The following CALN1 variants were observed in gnomAD, a reference collection of about 807,000 sequenced individuals.
CALN1 encodes the protein calcium-binding protein 8.
A neutral mutation model predicts 30.6 loss-of-function variants in CALN1; 17 were observed. That is an observed-to-expected ratio of 0.56 (90% CI 0.38 to 0.83). The LOEUF (loss-of-function observed/expected upper bound fraction) is 0.83. Among genes scored for constraint, CALN1 ranks in the 40% least tolerant of loss-of-function variants. CALN1 has a pLI of 0.00. For missense variants in CALN1, 291 were observed against 354.9 expected, an observed-to-expected ratio of 0.82 and a Z score of 1.45; for synonymous variants, 156 against 131.4, an observed-to-expected ratio of 1.19 and a Z score of -1.28.
At chr7:72,081,112 T>C (rs1805107088) in intron 4 of CALN1, among the ~76,000 whole-genome samples, 1 of 152,146 alleles carries the variant, frequency 6.6e-6, no homozygotes, top group Non-Finnish European at 1.5e-5. Flanking sequence ...TAAGGACTGA[T>C]GTACAGCAGT....
intron 5 of CALN1, among the ~76,000 whole-genome samples, chr7:71,881,865 G>T (rs945835458): frequency 6.6e-6 from 1 of 151,366 alleles, no homozygotes; most frequent in Non-Finnish European, 1.5e-5. Context: ...TTGAGGCCAG[G>T]AGTTTGAGGT....
intron 2 of CALN1, among the ~76,000 whole-genome samples, chr7:72,317,085 AG>A (rs1800523642): frequency 5.6e-5 from 2 of 35,626 alleles, no homozygotes; most frequent in Non-Finnish European, 9.5e-5. Flanking sequence ...ACAGAAAGAG[AG>A]AGAGAGAGGG....
chr7:72,016,841 C>T (rs1475846118), intron 5 of CALN1, among the ~76,000 whole-genome samples: 1 of 151,364 alleles, frequency 6.6e-6, no homozygotes. Flanking sequence ...TGCATGAGGA[C>T]CTGAGACAGA....
intron 4 of CALN1, among the ~76,000 whole-genome samples, chr7:72,027,303 C>T (rs942412257): frequency 1.3e-5 from 2 of 152,080 alleles, no homozygotes; most frequent in Admixed American, 1.3e-4. Flanking sequence ...CCAGGTACTC[C>T]CTCTGGAATG....
intron 2 of CALN1, among the ~76,000 whole-genome samples, chr7:72,392,075 C>T (rs538981223): frequency 6.6e-6 from 1 of 152,326 alleles, no homozygotes; most frequent in South Asian, 2.1e-4. Context: ...CACTGAGATG[C>T]TCCCTTTTAG....
At chr7:72,258,679 A>C (rs116491341) in intron 3 of CALN1, among the ~76,000 whole-genome samples, 2 of 152,152 alleles carry the variant, frequency 1.3e-5, no homozygotes, top group Non-Finnish European at 2.9e-5. Flanking sequence ...CAGCACTCTG[A>C]GGCTGAGGTG....
intron 4 of CALN1, among the ~76,000 whole-genome samples, chr7:72,050,521 T>C (rs1331137674): frequency 2.6e-5 from 4 of 152,182 alleles, no homozygotes; most frequent in Non-Finnish European, 5.9e-5. Context: ...GGATTTAATA[T>C]TAATAGTAAA....
chr7:72,071,249 T>C (rs1030079145), intron 4 of CALN1, among the ~76,000 whole-genome samples: 3 of 152,108 alleles, frequency 2.0e-5, no homozygotes, highest in Non-Finnish European at 1.5e-5. Flanking sequence ...AAGCACCCTG[T>C]CCTCCAAATA....
At chr7:72,193,341 G>T (rs900445024) in intron 3 of CALN1, among the ~76,000 whole-genome samples, 2 of 152,040 alleles carry the variant, frequency 1.3e-5, no homozygotes, top group African/African-American at 4.8e-5. Flanking sequence ...CTCCAGCCTG[G>T]GCAACAGAGA....
At chr7:72,451,244 A>C (rs1216153797), upstream of CALN1, among the ~76,000 whole-genome samples, 1 of 106,174 alleles carries the variant, frequency 9.4e-6, no homozygotes, top group African/African-American at 5.1e-5. Flanking sequence ...AGAAGGAGGA[A>C]GAGGAGGAAG....
In CALN1 at chr7:72,065,764, G is replaced by A. The variant is rs572088757; in HGVS notation, c.388+40387C>T. Among the ~76,000 whole-genome samples, 169 of 152,186 alleles carry A rather than the reference G, an allele frequency of 1.1e-3. 1 individual carries two copies. Among genetic ancestry groups the A allele is most frequent in the Admixed American group, 0.011 (168 of 15,288 alleles). On this transcript the variant is annotated intron_variant, in intron 4 of 6. Coordinates refer to ENST00000395275, the MANE Select transcript of CALN1 (RefSeq NM_031468.4). The stretch of plus-strand genomic sequence containing the variant: ...AAAAATTAGCCAGGCGTGGAGGCGG[G>A]TGCCTGTAATCCCAGCTACTCAGGA...
intron 5 of CALN1, among the ~76,000 whole-genome samples, chr7:71,868,506 G>A (rs746170535): frequency 5.9e-5 from 9 of 151,842 alleles, no homozygotes; most frequent in Non-Finnish European, 1.3e-4. Flanking sequence ...TAAGTAGCTA[G>A]GATTACAGAT....
intron 5 of CALN1, among the ~76,000 whole-genome samples, chr7:71,851,382 G>C (rs1468839664): frequency 6.6e-6 from 1 of 151,746 alleles, no homozygotes; most frequent in Admixed American, 6.6e-5. Flanking sequence ...AGCCAGGCAT[G>C]GTGGTGGGTG....
intron 3 of CALN1, among the ~76,000 whole-genome samples, chr7:72,277,571 T>C (rs1340897224): frequency 6.6e-6 from 1 of 152,188 alleles, no homozygotes; most frequent in Non-Finnish European, 1.5e-5. Context: ...CATCCTCTGC[T>C]GCCTCCCTGC....
the CALN1 span, among the ~76,000 whole-genome samples, chr7:72,499,982 G>C: frequency 1.3e-5 from 2 of 150,934 alleles, no homozygotes; most frequent in Non-Finnish European, 2.9e-5. Context: ...CACGATCTTG[G>C]CTCACTACAA....
chr7:72,078,353 T>C (rs944423822), intron 4 of CALN1, among the ~76,000 whole-genome samples: 2 of 152,036 alleles, frequency 1.3e-5, no homozygotes, highest in Non-Finnish European at 2.9e-5. Context: ...CAGCCATCAC[T>C]TTTATCACAA....
At chr7:72,283,851 GC>G (rs1797894746) in intron 2 of CALN1, among the ~76,000 whole-genome samples, 1 of 151,696 alleles carries the variant, frequency 6.6e-6, no homozygotes, top group African/African-American at 2.4e-5. Context: ...AATGGAAAGT[GC>G]CAGAGCCAAA....
chr7:71,932,715 C>G lies in CALN1; in HGVS notation c.501+90942G>C, dbSNP rs749740381. Among the ~76,000 whole-genome samples, 283 of 150,514 alleles carry G rather than the reference C, an allele frequency of 1.9e-3. 2 individuals are homozygous for G. The highest frequency in any genetic ancestry group is 2.1e-3 in the Non-Finnish European group (141 of 67,850). Reference sequence around the variant, plus strand: ...ACCTGTAGTCCAGCTACTCGGGAGGCTGAGGCAGGAGAATGGCATGAACCC... The same window carrying G: ...ACCTGTAGTCCAGCTACTCGGGAGGGTGAGGCAGGAGAATGGCATGAACCC... On this transcript the variant is annotated intron_variant, in intron 5 of 6. Transcript: ENST00000395275.
Position 72,096,876 on chromosome 7 carries a change from A to G in CALN1, c.388+9275T>C, listed in dbSNP as rs1391733088. Among the ~76,000 whole-genome samples the G allele has an allele frequency of 3.3e-5, 5 of 152,224 alleles. No homozygotes were observed. The East Asian group carries it at 9.6e-4, about 29-fold the overall frequency. On this transcript the variant is annotated intron_variant, in intron 4 of 6. Coordinates refer to ENST00000395275, the MANE Select transcript of CALN1 (RefSeq NM_031468.4). ...CATGCACACATATGTTTATTGTGGCACTATTCACAATAGCAAAGACCTGGA... is the reference window on the plus strand; with the variant it reads ...CATGCACACATATGTTTATTGTGGCGCTATTCACAATAGCAAAGACCTGGA...
Sources: gnomAD v4.1 joint callset for allele counts (sites outside exome capture counted in the v4.1 genomes callset) on GRCh38, gnomAD v4.1.1 for gene constraint, MANE v1.5 for transcripts, NCBI Gene and HGNC (gene_info 2026-07-23, HGNC 2026-07-21) for gene names.